MAP3K10: variants seen among roughly 807,000 people sequenced by gnomAD.
MAP3K10 encodes MKN28 derived nonreceptor_type serine/threonine kinase.
In MAP3K10, 22 loss-of-function variants were observed where a neutral mutation model predicts 75.0. The observed-to-expected ratio is 0.29, with a 90% CI of 0.21 to 0.42. The LOEUF (loss-of-function observed/expected upper bound fraction) is 0.42. Ranked by LOEUF, MAP3K10 falls within the 10% of genes least tolerant of loss-of-function variation. The pLI, the probability that MAP3K10 is intolerant of heterozygous loss-of-function variation, is 1.00. For synonymous variants in MAP3K10, 599 were observed against 612.9 expected (o/e 0.98, Z 0.34); for missense variants, 1,165 against 1,379.8 (o/e 0.84, Z 2.47).
chr19:40,208,363 T>TTTTATTTTTTTTA (rs1404145320), intron 5 of MAP3K10, among the ~76,000 whole-genome samples: 1 of 111,890 alleles, frequency 8.9e-6, no homozygotes, highest in African/African-American at 3.6e-5. Context: ...TTTTTTTTTT[T>TTTTATTTTTTTTA]TTTTTTGTAT....
Position 40,205,831 on chromosome 19 carries a change from C to T in MAP3K10, c.1189-80C>T. The T allele has an allele frequency of 7.1e-7, 1 of 1,403,208 alleles. No homozygotes were observed. The highest frequency in any genetic ancestry group is 9.4e-7 in the Non-Finnish European group (1 of 1,065,778). 86.9% of individuals were successfully genotyped at this position (1,403,208 alleles called of 1,614,324 possible). On this transcript the variant is annotated intron_variant, in intron 4 of 9. Transcript: ENST00000253055. The surrounding 1 kb of genome is among the most constrained non-coding windows in gnomAD (Gnocchi z 4.3). ...AGGTACCCTTGTGTGAGGCACCAAC[C>T]AGACGCAGCAGCCCTGGGTCCCTCC...
In MAP3K10 at chr19:40,204,491, G is replaced by A. The variant is rs1306138210; in HGVS notation, c.870G>A (p.Gly290=). 1 of 1,613,146 alleles carries A rather than the reference G, an allele frequency of 6.2e-7. No homozygotes were observed. Among genetic ancestry groups the A allele is most frequent in the African/African-American group, 1.3e-5 (1 of 75,026 alleles). The change falls in exon 3 of 10, where the codon GGG becomes GGA. Residue 290 remains glycine, a synonymous_variant. Transcript: ENST00000253055. The surrounding 1 kb of genome is among the most constrained non-coding windows in gnomAD (Gnocchi z 4.3). ...FSKSSDVWSF[G]VLLWELLTGE... ...CCCTCTCCCCTGCCTGCAGCTTCGG[G>A]GTGCTGCTGTGGGAGCTGCTGACGG...
chr19:40,192,847 A>C lies in MAP3K10; in HGVS notation c.682+134A>C. The C allele has an allele frequency of 1.4e-6, 1 of 722,762 alleles. No individual in the cohort carries two copies. Among genetic ancestry groups the C allele is most frequent in the Non-Finnish European group, 2.1e-6 (1 of 467,668 alleles). The allele number at this position is 722,762 out of a possible 1,614,324, so 44.8% of individuals were successfully genotyped here. A position where few individuals can be genotyped will look rare whatever the true frequency, so the allele number is the denominator to read the frequency against. ...GAAGGGGCAGCAGTATGATACCTTC[A>C]GGGTGAAGGTGAGGTAGGCCTTGCC... On this transcript the variant is annotated intron_variant, in intron 1 of 9. Coordinates refer to ENST00000253055, the MANE Select transcript of MAP3K10 (RefSeq NM_002446.4). This position sits in a 1 kb window ranked among gnomAD's most constrained non-coding sequence, Gnocchi z 7.1.
rs1331167100 is a variant in MAP3K10 at position 40,213,320 on chromosome 19, C to A, written c.1837+132C>A. ...GCCTTCCTGGGAAGGGAGATGGTGG[C>A]CCCTGGGGCGTGGGGGGTCATTTCC... On this transcript the variant is annotated intron_variant, in intron 8 of 9. Coordinates refer to ENST00000253055, the MANE Select transcript of MAP3K10 (RefSeq NM_002446.4). This position sits in a 1 kb window ranked among gnomAD's most constrained non-coding sequence, Gnocchi z 5.7. 5.5e-6 allele frequency: 8 copies of A among 1,452,320 alleles called. No homozygotes were observed. The highest frequency in any genetic ancestry group is 1.4e-5 in the African/African-American group (1 of 70,144). The allele number at this position is 1,452,320 out of a possible 1,614,324, so 90.0% of individuals were successfully genotyped here.
Position 40,213,949 on chromosome 19 carries a change from CCA to C in MAP3K10, c.2272_2273del (p.Thr758AlafsTer7). The C allele has an allele frequency of 6.5e-7, 1 of 1,533,472 alleles. No homozygotes were observed. The allele number at this position is 1,533,472 out of a possible 1,614,324, so 95.0% of individuals were successfully genotyped here. A position where few individuals can be genotyped will look rare whatever the true frequency, so the allele number is the denominator to read the frequency against. On this transcript the variant is annotated frameshift_variant, in exon 9 of 10. Coordinates refer to ENST00000253055, the MANE Select transcript of MAP3K10 (RefSeq NM_002446.4). LOFTEE classifies it high-confidence loss of function. The surrounding 1 kb of genome is among the most constrained non-coding windows in gnomAD (Gnocchi z 5.7). ...CTGTCGTCCGTGTCCGACTGCAACTCCACGCGTTCACTGCTGCGCTCTGACAG... is the reference window on the plus strand; with the variant it reads ...CTGTCGTCCGTGTCCGACTGCAACTCCGCGTTCACTGCTGCGCTCTGACAG...
chr19:40,194,900 CAG>C (rs1972878099), intron 1 of MAP3K10, among the ~76,000 whole-genome samples: 1 of 152,148 alleles, frequency 6.6e-6, no homozygotes, highest in Admixed American at 6.6e-5. Flanking sequence ...CAGAGAGTAT[CAG>C]GGGCTCTCAG....
chr19:40,214,081 G>A lies in MAP3K10; in HGVS notation c.2402G>A (p.Ser801Asn). ...CCCCTGGTGGACCTGGAGCTGGAGA[G>A]CTTCAAGAAGGACCCCCGCCAGTCG... ...TNPLVDLELE[S>N]FKKDPRQSLT... Residue 801 changes from serine to asparagine, a missense_variant, in exon 9 of 10, where the codon AGC becomes AAC. By Grantham distance (46) the Ser-to-Asn change is conservative. Around this residue, in one of 2 missense-constraint regions of MAP3K10, gnomAD observed 590 missense variants for 586.6 expected, o/e 1.01. Coordinates refer to ENST00000253055, the MANE Select transcript of MAP3K10 (RefSeq NM_002446.4). 1 of 1,553,474 alleles carries A rather than the reference G, an allele frequency of 6.4e-7. No individual in the cohort carries two copies. The highest frequency in any genetic ancestry group is 2.4e-5 in the East Asian group (1 of 41,590).
rs974319178 is a variant in MAP3K10, at chr19:40,194,993, C to T, written c.682+2280C>T. ...GGGAAGGCAACATTTGAGCAGAGAC[C>T]TGAACAAAGGGGACCCAGCTTTACA... On this transcript the variant is annotated intron_variant, in intron 1 of 9. Coordinates refer to ENST00000253055, the MANE Select transcript of MAP3K10 (RefSeq NM_002446.4). Among the ~76,000 whole-genome samples, 3 of 152,110 alleles carry T rather than the reference C, an allele frequency of 2.0e-5. No individual in the cohort carries two copies. In the East Asian group the frequency reaches 5.8e-4, roughly 29 times the overall value.
At chr19:40,211,171 AG>A (rs1973230808) in intron 6 of MAP3K10, among the ~76,000 whole-genome samples, 2 of 152,154 alleles carry the variant, frequency 1.3e-5, no homozygotes, top group Admixed American at 6.6e-5. Flanking sequence ...CAAAAGCTGG[AG>A]GTGAGAACAG....
At chr19:40,202,064 G>A (rs1406043315) in intron 2 of MAP3K10, among the ~76,000 whole-genome samples, 2 of 151,422 alleles carry the variant, frequency 1.3e-5, no homozygotes, top group African/African-American at 2.4e-5. Flanking sequence ...TTTTTGAGAC[G>A]TAGTCTCACT....
Position 40,191,931 on chromosome 19 carries a change from C to T in MAP3K10, c.-101C>T. ...CATGGCCCTCAGGAGCTCCCTAGACCCCGCAGGGACTGCCCTCCATCCCGG... is the reference window on the plus strand; with the variant it reads ...CATGGCCCTCAGGAGCTCCCTAGACTCCGCAGGGACTGCCCTCCATCCCGG... On this transcript the variant is annotated 5_prime_UTR_variant, in exon 1 of 10. Coordinates refer to ENST00000253055, the MANE Select transcript of MAP3K10 (RefSeq NM_002446.4). 1 of 755,748 alleles carries T rather than the reference C, an allele frequency of 1.3e-6. No homozygotes were observed. The highest frequency in any genetic ancestry group is 2.0e-6 in the Non-Finnish European group (1 of 504,878). The allele number at this position is 755,748 out of a possible 1,614,324, so 46.8% of individuals were successfully genotyped here.
chr19:40,215,247 C>T lies in MAP3K10; in HGVS notation c.2820C>T (p.Asn940=), dbSNP rs1343464614. The part of the protein sequence containing the change: ...TLLDMDMEGQ[N]QDSTVPLCGA... ...TGGACATGGACATGGAGGGGCAGAA[C>T]CAAGACAGCACAGTGCCCCTGTGCG... Residue 940 remains asparagine (N), a synonymous_variant, in exon 10 of 10, where the codon AAC becomes AAT. Transcript: ENST00000253055. 1 of 1,558,008 alleles carries T rather than the reference C, an allele frequency of 6.4e-7. No individual in the cohort carries two copies.
chr19:40,209,149 G>A lies in MAP3K10; in HGVS notation c.1482G>A (p.Lys494=), dbSNP rs776880061. 3 of 1,614,224 alleles carry A rather than the reference G, an allele frequency of 1.9e-6. No homozygotes were observed. In the South Asian group the frequency reaches 3.3e-5, roughly 18 times the overall value. The change falls in exon 6 of 10, where the codon AAG becomes AAA. Residue 494 remains lysine, a synonymous_variant. Transcript: ENST00000253055. ...TCCAGGCCTCTCCAACTCTGGATAA[G>A]CGGAAAGGATCCGATGGGGCCAGCC... The part of the protein sequence containing the change: ...ITVQASPTLD[K]RKGSDGASPP...
At position 40,215,072 on chromosome 19, in the gene MAP3K10, C is replaced by T. The variant is rs772737754; in HGVS notation, c.2645C>T (p.Thr882Ile). The part of the protein sequence containing the change: ...PEFPGRPTTL[T>I]FAPRPRPAAS... Reference sequence around the variant, plus strand: ...TTCCCAGGCCGCCCCACCACCCTGACCTTTGCCCCGAGACCTCGGCCGGCT... The same window carrying T: ...TTCCCAGGCCGCCCCACCACCCTGATCTTTGCCCCGAGACCTCGGCCGGCT... Residue 882 changes from threonine to isoleucine, a missense_variant, in exon 10 of 10, where the codon ACC becomes ATC. This residue lies in a region of MAP3K10 where 590 missense variants were observed against 586.6 expected (regional missense o/e 1.01). Transcript: ENST00000253055. 1 of 1,609,922 alleles carries T rather than the reference C, an allele frequency of 6.2e-7. No homozygotes were observed. Among genetic ancestry groups the T allele is most frequent in the Non-Finnish European group, 8.5e-7 (1 of 1,178,484 alleles).
intron 5 of MAP3K10, among the ~76,000 whole-genome samples, chr19:40,207,969 G>A (rs990141467): frequency 2.0e-5 from 3 of 151,722 alleles, no homozygotes; most frequent in Non-Finnish European, 2.9e-5. Flanking sequence ...CTCAGGCAGC[G>A]CTCCCACTTT....
chr19:40,206,533 A>C (rs1741488534), intron 5 of MAP3K10: 1 of 173,496 alleles, frequency 5.8e-6, no homozygotes, highest in South Asian at 1.9e-4. Flanking sequence ...CTGTAATTGC[A>C]CCACTGCACT....
rs1196501243 is a variant in MAP3K10, at chr19:40,205,893, A to G, written c.1189-18A>G. On this transcript the variant is annotated intron_variant, in intron 4 of 9. Coordinates refer to ENST00000253055, the MANE Select transcript of MAP3K10 (RefSeq NM_002446.4). This position sits in a 1 kb window ranked among gnomAD's most constrained non-coding sequence, Gnocchi z 4.3. ...AGCAGCTAAGCCCCTCCCCCCAGCC[A>G]CCGCCTCTCCTTCCCAGGAGCTTCG... is the stretch of plus-strand genomic sequence containing the variant. 2.6e-6 allele frequency: 4 copies of G among 1,513,862 alleles called. No homozygotes were observed. Among genetic ancestry groups the G allele is most frequent in the Admixed American group, 2.1e-5 (1 of 46,704 alleles). The allele number at this position is 1,513,862 out of a possible 1,614,324, so 93.8% of individuals were successfully genotyped here.
At chr19:40,196,432 T>A (rs1046791916) in intron 1 of MAP3K10, among the ~76,000 whole-genome samples, 5 of 152,180 alleles carry the variant, frequency 3.3e-5, no homozygotes, top group African/African-American at 1.2e-4. Flanking sequence ...GAGGATTGTT[T>A]AAGCCCAGAA....
At position 40,212,079 on chromosome 19, in the gene MAP3K10, A is replaced by G. The variant is rs922875180; in HGVS notation, c.1553-726A>G. Among the ~76,000 whole-genome samples, 1 of 152,186 alleles carries G rather than the reference A, an allele frequency of 6.6e-6. No homozygotes were observed. On this transcript the variant is annotated intron_variant, in intron 6 of 9. Transcript: ENST00000253055. The surrounding 1 kb of genome is among the most constrained non-coding windows in gnomAD (Gnocchi z 4.2). Reference sequence around the variant, plus strand: ...GGCAGCCCCCAGAGCCATGCGAGCAAGGCACTGAGGGAATCAAATTGACCT... The same window carrying G: ...GGCAGCCCCCAGAGCCATGCGAGCAGGGCACTGAGGGAATCAAATTGACCT...
Sources: allele counts gnomAD v4.1 joint callset (sites outside exome capture counted in the v4.1 genomes callset), GRCh38; gene constraint gnomAD v4.1.1; regional missense constraint gnomAD v4.1.1; non-coding constraint Gnocchi (gnomAD v3.1); transcripts MANE v1.5; gene names NCBI Gene and HGNC (gene_info 2026-07-23, HGNC 2026-07-21).